ADGRL1: variants seen among roughly 807,000 people sequenced by gnomAD.
ADGRL1 encodes CIRL-1.
ADGRL1 carries 31 observed loss-of-function variants against 148.9 expected under a neutral mutation model. That is an observed-to-expected ratio of 0.21 (90% CI 0.16 to 0.28). The LOEUF (loss-of-function observed/expected upper bound fraction) is 0.28. ADGRL1 is among the 10% of genes least tolerant of loss of function. The probability of loss-of-function intolerance (pLI) is 1.00; values close to 1 mark genes in which losing one functional copy is unlikely to be tolerated. For missense variants in ADGRL1, 1,521 were observed against 2,058.8 expected, an observed-to-expected ratio of 0.74 and a Z score of 5.05; for synonymous variants, 937 against 900.3, an observed-to-expected ratio of 1.04 and a Z score of -0.73.
At chr19:14,182,252 T>C (rs1457408913) in intron 2 of ADGRL1, among the ~76,000 whole-genome samples, 2 of 152,220 alleles carry the variant, frequency 1.3e-5, no homozygotes, top group African/African-American at 4.8e-5. Context: ...ATTGTTATTA[T>C]GAATATTATT....
chr19:14,177,411 G>T, intron 3 of ADGRL1, 120 bp downstream of exon 3: 2 of 903,954 alleles, frequency 2.2e-6, no homozygotes, highest in Non-Finnish European at 3.5e-6. Flanking sequence ...CCTATTAAGT[G>T]CTCAGTAAAC....
intron 1 of ADGRL1, among the ~76,000 whole-genome samples, chr19:14,186,933 C>T (rs769601905): frequency 3.3e-5 from 5 of 152,240 alleles, no homozygotes; most frequent in Admixed American, 1.3e-4. Flanking sequence ...AAACAGTCCT[C>T]GCCTGCTGCC....
chr19:14,178,875 C>A (rs187549053), intron 2 of ADGRL1, among the ~76,000 whole-genome samples: 7 of 152,190 alleles, frequency 4.6e-5, no homozygotes, highest in Admixed American at 4.6e-4. Context: ...CAGGAGCAGG[C>A]GGCCATCTAT....
intron 4 of ADGRL1, among the ~76,000 whole-genome samples, chr19:14,165,690 A>G (rs1599434061): frequency 6.8e-6 from 1 of 146,480 alleles, no homozygotes; most frequent in Non-Finnish European, 1.5e-5. Context: ...GAGAGACTCC[A>G]GGAGAAAGAG....
intron 16 of ADGRL1, 37 bp downstream of exon 16, chr19:14,156,621 G>T: frequency 6.3e-7 from 1 of 1,577,050 alleles, no homozygotes; most frequent in Non-Finnish European, 8.6e-7. Context: ...CTGGATGAAG[G>T]AAGATGTGGT....
At chr19:14,163,465 G>GGGGAGAGAGA (rs1555785179) in intron 4 of ADGRL1, 59 bp from the exon 5 acceptor site, 3 of 700,926 alleles carry the variant, frequency 4.3e-6, no homozygotes, top group South Asian at 4.4e-5. Context: ...GCGAGAGGGA[G>GGGGAGAGAGA]GAGAGAGAGA....
rs1555785169 is a variant in ADGRL1 at position 14,163,464 on chromosome 19, A to AGGAG, written c.395-62_395-59dup. On this transcript the variant is annotated intron_variant, in intron 4 of 22. Transcript: ENST00000361434. Reference sequence around the variant, plus strand: ...GAGAGAAGGGGCAGAGGCGAGAGGGAGGAGAGAGAGAGAGAGAGAGAGAGA... The same window carrying AGGAG: ...GAGAGAAGGGGCAGAGGCGAGAGGGAGGAGGGAGAGAGAGAGAGAGAGAGAGAGA... 109 of 783,998 alleles carry AGGAG rather than the reference A, an allele frequency of 1.4e-4. No homozygotes were observed. In the African/African-American group the frequency reaches 2.7e-3, roughly 19 times the overall value. 48.6% of individuals were successfully genotyped at this position (783,998 alleles called of 1,614,324 possible).
chr19:14,186,951 G>A (rs367764101), intron 1 of ADGRL1, among the ~76,000 whole-genome samples: 9 of 152,262 alleles, frequency 5.9e-5, no homozygotes, highest in Non-Finnish European at 1.2e-4. Flanking sequence ...GCCCTCACCC[G>A]CCATCCTTTT....
At chr19:14,195,243 T>G (rs1972184608) in intron 1 of ADGRL1, among the ~76,000 whole-genome samples, 1 of 152,050 alleles carries the variant, frequency 6.6e-6, no homozygotes, top group African/African-American at 2.4e-5. Context: ...CCTGCCTGTA[T>G]GTTCGCATCT....
At chr19:14,170,538 G>T (rs1970378345) in intron 4 of ADGRL1, 144 bp downstream of exon 4, 2 of 582,398 alleles carry the variant, frequency 3.4e-6, no homozygotes, top group East Asian at 3.0e-5. Context: ...ATTAGAGAAT[G>T]TGTGTTGGAG....
chr19:14,163,116 C>A lies in ADGRL1; in HGVS notation c.685G>T (p.Val229Phe). 1 of 1,614,100 alleles carries A rather than the reference C, an allele frequency of 6.2e-7. No individual in the cohort carries two copies. The highest frequency in any genetic ancestry group is 8.5e-7 in the Non-Finnish European group (1 of 1,180,034). Residue 229 changes from valine to phenylalanine, a missense_variant, in exon 5 of 23, where the codon GTC becomes TTC. Physicochemically the swap from Val to Phe is conservative, Grantham distance 50 (BLOSUM62 -1). This residue lies in a region of ADGRL1 where 334 missense variants were observed against 512.5 expected (regional missense o/e 0.65). Transcript: ENST00000361434. ...ATGCGCGTCCGTAGGTCATACTTGA[C>A]GATGTTGCGCGTGCGCTCCTTGTTG... Reference protein sequence around the residue: ...FYNKERTRNIVKYDLRTRIKS... With the variant: ...FYNKERTRNIFKYDLRTRIKS...
In ADGRL1 at chr19:14,167,369, GGGGGCA is replaced by G; in HGVS notation, c.394+3307_394+3312del. On this transcript the variant is annotated intron_variant, in intron 4 of 22. Coordinates refer to ENST00000361434, the MANE Select transcript of ADGRL1 (RefSeq NM_014921.5). ...AGGCAGACAGAGCCCTCAGGTGGGAGGGGGCACCCTTGGTGCAAGGCGGGGGCAGGG... is the reference window on the plus strand; with the variant it reads ...AGGCAGACAGAGCCCTCAGGTGGGAGCCCTTGGTGCAAGGCGGGGGCAGGG... Among the ~76,000 whole-genome samples, 3 of 152,104 alleles carry G rather than the reference GGGGGCA, an allele frequency of 2.0e-5. 1 individual carries two copies. Among genetic ancestry groups the G allele is most frequent in the Admixed American group, 2.0e-4 (3 of 15,306 alleles).
In ADGRL1 at chr19:14,151,577, T is replaced by A; in HGVS notation, c.3706A>T (p.Thr1236Ser). ...TTGAAGTTGCCGTTCAGGGGCAGGG[T>A]GTCCATGCCACAGGCTTCCCGGCCT... is the stretch of plus-strand genomic sequence containing the variant. The part of the protein sequence containing the change: ...LGGREACGMD[T>S]LPLNGNFNNS... Residue 1236 changes from threonine (T) to serine (S), a missense_variant, in exon 23 of 23, where the codon ACC becomes TCC. Coordinates refer to ENST00000361434, the MANE Select transcript of ADGRL1 (RefSeq NM_014921.5). 1 of 1,608,166 alleles carries A rather than the reference T, an allele frequency of 6.2e-7. No individual in the cohort carries two copies.
At chr19:14,174,352 G>T (rs546390355) in intron 3 of ADGRL1, among the ~76,000 whole-genome samples, 51 of 152,248 alleles carry the variant, frequency 3.3e-4, no homozygotes, top group African/African-American at 1.2e-3. Flanking sequence ...AAGCGGGGAA[G>T]AGAGGCAAGA....
Position 14,149,205 on chromosome 19 carries a change from G to T in ADGRL1, c.*1668C>A, listed in dbSNP as rs76739866. On this transcript the variant is annotated 3_prime_UTR_variant, in exon 23 of 23. Coordinates refer to ENST00000361434, the MANE Select transcript of ADGRL1 (RefSeq NM_014921.5). ...GGGACAGGTGCTCAGGACACATCCCGAGCCTGGAGCTTCCGGGGTCTGGGA... is the reference window on the plus strand; with the variant it reads ...GGGACAGGTGCTCAGGACACATCCCTAGCCTGGAGCTTCCGGGGTCTGGGA... 6,378 of 152,262 alleles carry T rather than the reference G, an allele frequency of 0.042. 285 individuals carry two copies. The highest frequency in any genetic ancestry group is 0.12 in the African/African-American group (4,789 of 41,492). The allele number at this position is 152,262 out of a possible 1,614,324, so 9.4% of individuals were successfully genotyped here.
intron 11 of ADGRL1, 116 bp from the exon 12 acceptor site, chr19:14,158,668 G>A: frequency 1.2e-6 from 1 of 808,374 alleles, no homozygotes. Context: ...CTGGCCACTG[G>A]GACCTCTGAA....
At position 14,161,328 on chromosome 19, in the gene ADGRL1, G is replaced by A. The variant is rs1201560426; in HGVS notation, c.1494C>T (p.Cys498=). The change falls in exon 6 of 23, where the codon TGC becomes TGT. Residue 498 remains cysteine, a synonymous_variant. Coordinates refer to ENST00000361434, the MANE Select transcript of ADGRL1 (RefSeq NM_014921.5). The surrounding 1 kb of genome is among the most constrained non-coding windows in gnomAD (Gnocchi z 4.4). ...TGTACTCACCTCGAGTCCCCTTGGG[G>A]CAGGGCCTCTCCACCAGCATGCCCT... is the stretch of plus-strand genomic sequence containing the variant. ...TQQGMLVERP[C]PKGTRGIASF... 5 of 1,591,150 alleles carry A rather than the reference G, an allele frequency of 3.1e-6. No homozygotes were observed. The highest frequency in any genetic ancestry group is 4.3e-6 in the Non-Finnish European group (5 of 1,171,238).
At position 14,151,129 on chromosome 19, in the gene ADGRL1, T is replaced by C. The variant is rs762425684; in HGVS notation, c.4154A>G (p.Asn1385Ser). ...CGGGTAGGAGGGTGAGTCCCGCAGG[T>C]TGGCCCCGCTGGCATAGAGGGAGTC... ...GRDSLYASGANLRDSPSYPDS... is the reference protein window; with the variant it reads ...GRDSLYASGASLRDSPSYPDS... Residue 1385 changes from asparagine to serine, a missense_variant, in exon 23 of 23, where the codon AAC becomes AGC. Physicochemically the swap from Asn to Ser is conservative, Grantham distance 46 (BLOSUM62 1). This residue lies in a region of ADGRL1 where 390 missense variants were observed against 375.0 expected (regional missense o/e 1.04). Transcript: ENST00000361434. 5.0e-6 allele frequency: 8 copies of C among 1,585,454 alleles called. No homozygotes were observed. In the African/African-American group the frequency reaches 9.4e-5, roughly 19 times the overall value.
Position 14,161,421 on chromosome 19 carries a change from T to C in ADGRL1, c.1401A>G (p.Leu467=), listed in dbSNP as rs11879738. 869 of 1,530,608 alleles carry C rather than the reference T, an allele frequency of 5.7e-4. 4 individuals are homozygous for C. The African/African-American group carries it at 0.011, about 19-fold the overall frequency. The allele number at this position is 1,530,608 out of a possible 1,614,324, so 94.8% of individuals were successfully genotyped here. A position where few individuals can be genotyped will look rare whatever the true frequency, so the allele number is the denominator to read the frequency against. ...PSTRRPPAPN[L]HVSPELFCEP... ...CGCAGAAGAGCTCAGGGGACACGTG[T>C]AGATTCGGGGCTGGGGGCCGCCGGG... The change falls in exon 6 of 23, where the codon CTA becomes CTG. Residue 467 remains leucine (L), a synonymous_variant. Transcript: ENST00000361434. The surrounding 1 kb of genome is among the most constrained non-coding windows in gnomAD (Gnocchi z 4.4).
Sources: allele counts gnomAD v4.1 joint callset (sites outside exome capture counted in the v4.1 genomes callset), GRCh38; gene constraint gnomAD v4.1.1; regional missense constraint gnomAD v4.1.1; non-coding constraint Gnocchi (gnomAD v3.1); transcripts MANE v1.5; gene names NCBI Gene and HGNC (gene_info 2026-07-23, HGNC 2026-07-21).